Variants in GBF1 observed in about 807,000 individuals in gnomAD.
GBF1 encodes the protein Golgi-specific brefeldin A-resistance guanine nucleotide exchange factor 1.
In GBF1, 114 loss-of-function variants were observed where a neutral mutation model predicts 210.5. The observed-to-expected ratio is 0.54, with a 90% CI of 0.47 to 0.63. The LOEUF (loss-of-function observed/expected upper bound fraction) is 0.63. Ranked by LOEUF, GBF1 falls within the 30% of genes least tolerant of loss-of-function variation. GBF1 has a pLI of 0.00. For synonymous variants in GBF1, 850 were observed against 889.2 expected, an observed-to-expected ratio of 0.96 and a Z score of 0.78; for missense variants, 1,851 against 2,357.7, an observed-to-expected ratio of 0.79 and a Z score of 4.45.
chr10:102,319,674 T>C (rs1430702952), intron 3 of GBF1, among the ~76,000 whole-genome samples: 4 of 151,804 alleles, frequency 2.6e-5, no homozygotes, highest in African/African-American at 9.7e-5. Context: ...CTAGATCTCC[T>C]TTTTCTTGTT....
intron 1 of GBF1, among the ~76,000 whole-genome samples, chr10:102,248,060 T>A (rs1225485855): frequency 6.6e-6 from 1 of 152,208 alleles, no homozygotes; most frequent in Admixed American, 6.5e-5. Flanking sequence ...AGACTCTATT[T>A]ATAGAGTACT....
intron 3 of GBF1, among the ~76,000 whole-genome samples, chr10:102,291,307 A>G (rs958626581): frequency 6.6e-6 from 1 of 152,088 alleles, no homozygotes; most frequent in African/African-American, 2.4e-5. Flanking sequence ...GTTTATTTGC[A>G]TTTGAAGTGT....
chr10:102,368,501 G>C, intron 22 of GBF1, 47 bp downstream of exon 22: 1 of 1,083,184 alleles, frequency 9.2e-7, no homozygotes, highest in Non-Finnish European at 1.4e-6. Context: ...AGCTCTGTGA[G>C]CTAACATGGT....
intron 3 of GBF1, among the ~76,000 whole-genome samples, chr10:102,334,878 C>A (rs970435529): frequency 2.0e-5 from 3 of 151,842 alleles, no homozygotes; most frequent in Non-Finnish European, 2.9e-5. Context: ...AAGATTCATC[C>A]CCATTTTGGA....
At chr10:102,327,270 C>G (rs1305971988) in intron 3 of GBF1, among the ~76,000 whole-genome samples, 1 of 152,164 alleles carries the variant, frequency 6.6e-6, no homozygotes, top group Admixed American at 6.5e-5. Flanking sequence ...AAATCCTCAA[C>G]TTAAAGAACC....
intron 4 of GBF1, 29 bp downstream of exon 4, chr10:102,344,211 A>G (rs530805600): frequency 5.6e-6 from 9 of 1,610,918 alleles, no homozygotes; most frequent in Middle Eastern, 3.3e-4. Flanking sequence ...TTGCATGACC[A>G]CAGCACTTCA....
chr10:102,301,397 C>T (rs956669827), intron 3 of GBF1, among the ~76,000 whole-genome samples: 7 of 152,318 alleles, frequency 4.6e-5, no homozygotes, highest in African/African-American at 1.7e-4. Context: ...ACAGACACAG[C>T]AACAATCTGA....
chr10:102,313,139 G>T (rs1472103758), intron 3 of GBF1, among the ~76,000 whole-genome samples: 1 of 152,182 alleles, frequency 6.6e-6, no homozygotes, highest in East Asian at 1.9e-4. Context: ...TAATGAAGAG[G>T]AATTGTGCTG....
chr10:102,358,797 C>A, intron 10 of GBF1, 68 bp downstream of exon 10: 2 of 1,022,840 alleles, frequency 2.0e-6, no homozygotes, highest in East Asian at 2.5e-5. Context: ...TCCTTTGGAT[C>A]CTTTATGCAG....
chr10:102,321,077 T>A (rs970737314), intron 3 of GBF1, among the ~76,000 whole-genome samples: 1 of 152,214 alleles, frequency 6.6e-6, no homozygotes, highest in Admixed American at 6.5e-5. Flanking sequence ...ATTACAGGCA[T>A]AAGCCACGGT....
At chr10:102,357,216 G>A (rs770446979) in intron 8 of GBF1, among the ~76,000 whole-genome samples, 5 of 152,172 alleles carry the variant, frequency 3.3e-5, no homozygotes, top group African/African-American at 4.8e-5. Flanking sequence ...GCTGGGTGCA[G>A]TGGCTCACAC....
the GBF1 span, among the ~76,000 whole-genome samples, chr10:102,234,263 C>T: frequency 6.6e-6 from 1 of 152,174 alleles, no homozygotes; most frequent in Non-Finnish European, 1.5e-5. Context: ...GCTGTGCCCC[C>T]ACTCCCCACC....
intron 3 of GBF1, among the ~76,000 whole-genome samples, chr10:102,321,885 G>A (rs911285615): frequency 6.6e-6 from 1 of 152,110 alleles, no homozygotes; most frequent in African/African-American, 2.4e-5. Flanking sequence ...TTGAGACAGG[G>A]TCTTGCTCTG....
At chr10:102,368,649 T>G in intron 22 of GBF1, 90 bp from the exon 23 acceptor site, 2 of 944,468 alleles carry the variant, frequency 2.1e-6, no homozygotes, top group Admixed American at 1.8e-5. Flanking sequence ...TGGGACTGAC[T>G]GGGGAAGAGC....
Position 102,307,514 on chromosome 10 carries a change from G to A in GBF1, c.164-36537G>A, listed in dbSNP as rs188289824. Among the ~76,000 whole-genome samples the A allele has an allele frequency of 3.3e-5, 5 of 152,188 alleles. No individual in the cohort carries two copies. The East Asian group carries it at 5.8e-4, about 18-fold the overall frequency. On this transcript the variant is annotated intron_variant, in intron 3 of 39. Coordinates refer to ENST00000369983, the MANE Select transcript of GBF1 (RefSeq NM_001377137.1). Reference sequence around the variant, plus strand: ...AAGAAAAAAGCAGATTTCCCAGCTGGGCACAGTGGCTCACGCCTGTAATCC... The same window carrying A: ...AAGAAAAAAGCAGATTTCCCAGCTGAGCACAGTGGCTCACGCCTGTAATCC...
At chr10:102,295,692 T>A (rs2076854205) in intron 3 of GBF1, among the ~76,000 whole-genome samples, 1 of 152,194 alleles carries the variant, frequency 6.6e-6, no homozygotes, top group South Asian at 2.1e-4. Flanking sequence ...TACATTTATA[T>A]AATTTTGAAA....
At chr10:102,253,437 A>G (rs1290634330) in intron 1 of GBF1, among the ~76,000 whole-genome samples, 2 of 152,218 alleles carry the variant, frequency 1.3e-5, no homozygotes, top group African/African-American at 2.4e-5. Flanking sequence ...GCTTTGTAAG[A>G]TAATGCCAAA....
chr10:102,370,143 A>G lies in GBF1; in HGVS notation c.3340-31A>G. On this transcript the variant is annotated intron_variant, in intron 26 of 39. Coordinates refer to ENST00000369983, the MANE Select transcript of GBF1 (RefSeq NM_001377137.1). ...CATTCTGTTCTCTTCAGCCTTTGTC[A>G]AAGACCCCCTCTCTCTTTTGCCCTC... The G allele has an allele frequency of 1.9e-6, 3 of 1,573,250 alleles. No homozygotes were observed. The East Asian group carries it at 6.7e-5, about 35-fold the overall frequency.
At chr10:102,381,823 G>GGA (rs1554985674) in intron 39 of GBF1, among the ~76,000 whole-genome samples, 1 of 19,090 alleles carries the variant, frequency 5.2e-5, no homozygotes, top group Non-Finnish European at 9.8e-5. Context: ...ACCCTGTCGC[G>GGA]AAAAAAAAAA....
Sources: gnomAD v4.1 joint callset for allele counts (sites outside exome capture counted in the v4.1 genomes callset) on GRCh38, gnomAD v4.1.1 for gene constraint, MANE v1.5 for transcripts, NCBI Gene and HGNC (gene_info 2026-07-23, HGNC 2026-07-21) for gene names.